The following TNRC18 variants were observed in gnomAD, a reference collection of about 807,000 sequenced individuals.
TNRC18 encodes trinucleotide repeat containing 18, also known as trinucleotide repeat-containing gene 18 protein.
A neutral mutation model predicts 226.7 loss-of-function variants in TNRC18; 69 were observed. That is an observed-to-expected ratio of 0.30 (90% confidence interval 0.25 to 0.37). TNRC18 has a LOEUF of 0.37. Among genes scored for constraint, TNRC18 ranks in the 10% least tolerant of loss-of-function variants. TNRC18 has a pLI of 1.00. For missense variants in TNRC18, 4,754 were observed against 4,256.6 expected, an observed-to-expected ratio of 1.12 and a Z score of -3.25; for synonymous variants, 2,449 against 1,927.6, an observed-to-expected ratio of 1.27 and a Z score of -7.09.
chr7:5,361,097 C>G (rs1202477884), intron 14 of TNRC18, among the ~76,000 whole-genome samples: 1 of 152,202 alleles, frequency 6.6e-6, no homozygotes, highest in Non-Finnish European at 1.5e-5. Context: ...AAGACCCACA[C>G]AGGTGCCCCA....
chr7:5,416,231 G>A (rs775831029), intron 2 of TNRC18, among the ~76,000 whole-genome samples: 8 of 151,576 alleles, frequency 5.3e-5, no homozygotes, highest in African/African-American at 9.7e-5. Flanking sequence ...CGGCTAACAC[G>A]GTGAAACCCC....
intron 29 of TNRC18, 34 bp downstream of exon 29, chr7:5,308,841 C>CCA: frequency 4.2e-5 from 46 of 1,094,614 alleles, no homozygotes; most frequent in Non-Finnish European, 4.6e-5. Flanking sequence ...CAGCCATCCC[C>CCA]AACCCGCCCA....
chr7:5,314,296 T>C (rs766615918), intron 26 of TNRC18, among the ~76,000 whole-genome samples: 1 of 152,202 alleles, frequency 6.6e-6, no homozygotes, highest in Non-Finnish European at 1.5e-5. Flanking sequence ...ATCCTGGCCC[T>C]GCTACTTCTT....
chr7:5,374,244 C>T lies in TNRC18; in HGVS notation c.3040G>A (p.Asp1014Asn), dbSNP rs1196008282. Reference sequence around the variant, plus strand: ...GCGTAGGCGGGTGGCTTGGACACGTCCTCCAGCTTCTGGATGACCTTGGCC... The same window carrying T: ...GCGTAGGCGGGTGGCTTGGACACGTTCTCCAGCTTCTGGATGACCTTGGCC... ...LKAKVIQKLEDVSKPPAYAYP... is the reference protein window; with the variant it reads ...LKAKVIQKLENVSKPPAYAYP... The change falls in exon 10 of 30, where the codon GAC (aspartate) becomes AAC (asparagine). Residue 1014 changes from aspartate (D) to asparagine (N), a missense_variant. Physicochemically the swap from Asp to Asn is conservative, Grantham distance 23. Transcript: ENST00000430969. 1.7e-5 allele frequency: 25 copies of T among 1,500,776 alleles called. No individual in the cohort carries two copies. The highest frequency in any genetic ancestry group is 5.2e-5 in the East Asian group (2 of 38,802). The allele number at this position is 1,500,776 out of a possible 1,614,324, so 93.0% of individuals were successfully genotyped here.
chr7:5,379,980 G>A (rs971340980), intron 5 of TNRC18, among the ~76,000 whole-genome samples: 4 of 152,198 alleles, frequency 2.6e-5, no homozygotes, highest in Non-Finnish European at 2.9e-5. Context: ...GGGATCAGCC[G>A]CCAGCACAGA....
chr7:5,313,154 C>T lies in TNRC18; in HGVS notation c.7737G>A (p.Ser2579=), dbSNP rs769922473. ...CGCCTTCCTCCTCCCCTTCTGTCTC[C>T]GAGCCGCTGCTGCTGCTGCTGCTGC... ...SSSSSSSSSG[S]ETEGEEEGDK... The change falls in exon 27 of 30, where the codon TCG becomes TCA. Residue 2579 remains serine (S), a synonymous_variant. Coordinates refer to ENST00000430969, the MANE Select transcript of TNRC18 (RefSeq NM_001080495.3). 3.9e-5 allele frequency: 60 copies of T among 1,529,490 alleles called. No individual in the cohort carries two copies. Among genetic ancestry groups the T allele is most frequent in the African/African-American group, 9.6e-5 (7 of 72,724 alleles). 94.7% of individuals were successfully genotyped at this position (1,529,490 alleles called of 1,614,324 possible). A position where few individuals can be genotyped will look rare whatever the true frequency, so the allele number is the denominator to read the frequency against.
intron 19 of TNRC18, 134 bp from the exon 20 acceptor site, chr7:5,325,382 C>T (rs1334961092): frequency 1.9e-5 from 18 of 947,656 alleles, no homozygotes; most frequent in Non-Finnish European, 2.6e-5. Context: ...ACAAAACACC[C>T]CTTCTCTCTC....
At chr7:5,315,796 G>A (rs1191437962) in intron 25 of TNRC18, among the ~76,000 whole-genome samples, 160 bp downstream of exon 25, 2 of 152,236 alleles carry the variant, frequency 1.3e-5, no homozygotes, top group Non-Finnish European at 2.9e-5. Flanking sequence ...CAGGACCTAG[G>A]AGCCCTGAGA....
chr7:5,350,259 G>T (rs1791648945), intron 17 of TNRC18, among the ~76,000 whole-genome samples: 1 of 152,090 alleles, frequency 6.6e-6, no homozygotes, highest in Admixed American at 6.6e-5. Flanking sequence ...TCGGTCCGGG[G>T]TGGTGTTCGC....
chr7:5,368,159 A>G (rs1361234437), intron 11 of TNRC18, among the ~76,000 whole-genome samples: 1 of 152,162 alleles, frequency 6.6e-6, no homozygotes, highest in Non-Finnish European at 1.5e-5. Context: ...GGCAGTCCCT[A>G]AAACAATGAT....
intron 10 of TNRC18, among the ~76,000 whole-genome samples, chr7:5,373,481 A>G (rs1794350068): frequency 6.6e-6 from 1 of 152,222 alleles, no homozygotes; most frequent in Admixed American, 6.5e-5. Flanking sequence ...CGCCGGGCCA[A>G]GCTCAGTGAT....
intron 16 of TNRC18, among the ~76,000 whole-genome samples, chr7:5,352,914 G>A (rs1049389385): frequency 1.3e-5 from 2 of 152,244 alleles, no homozygotes; most frequent in Admixed American, 6.5e-5. Flanking sequence ...ATCCACTCCA[G>A]ACGGGGGGAA....
intron 11 of TNRC18, among the ~76,000 whole-genome samples, chr7:5,366,459 G>A (rs1010642115): frequency 1.3e-5 from 2 of 150,690 alleles, no homozygotes; most frequent in African/African-American, 2.4e-5. Flanking sequence ...GAGTAGCTGG[G>A]ACTACAGGTA....
In TNRC18 at chr7:5,387,920, G is replaced by C; in HGVS notation, c.1904C>G (p.Ala635Gly). 6.3e-7 allele frequency: 1 copy of C among 1,594,444 alleles called. No homozygotes were observed. Among genetic ancestry groups the C allele is most frequent in the East Asian group, 2.3e-5 (1 of 44,000 alleles). ...PTSAGASRAQ[A>G]RLPHSGGPAA... ...AGGGCCTCCGGAGTGTGGGAGACGG[G>C]CCTGGGCTCGGGAGGCACCCGCAGA... The change falls in exon 5 of 30, where the codon GCC becomes GGC. Residue 635 changes from alanine (A) to glycine (G), a missense_variant. Ala to Gly is a moderately conservative substitution (Grantham distance 60). Transcript: ENST00000430969.
At position 5,315,868 on chromosome 7, in the gene TNRC18, A is replaced by C. The variant is rs1427038869; in HGVS notation, c.6862+88T>G. On this transcript the variant is annotated intron_variant, in intron 25 of 29. Coordinates refer to ENST00000430969, the MANE Select transcript of TNRC18 (RefSeq NM_001080495.3). ...ATCACCTGTGGCTCCAAATGACTTC[A>C]GACAGAGCTCAGAGCCGGGCTTGGA... 4.0e-6 allele frequency: 4 copies of C among 997,680 alleles called. No individual in the cohort carries two copies. In the African/African-American group the frequency reaches 6.7e-5, roughly 17 times the overall value. 61.8% of individuals were successfully genotyped at this position (997,680 alleles called of 1,614,324 possible).
In TNRC18 at chr7:5,315,138, C is replaced by T. The variant is rs1419977516; in HGVS notation, c.6873G>A (p.Pro2291=). The part of the protein sequence containing the change: ...PPDYKIQCAE[P]SPALLVPSAK... Reference sequence around the variant, plus strand: ...CACTTGGCACCAGAAGGGCCGGGGACGGCTCAGCACCTGTGGGGCAGAGGA... The same window carrying T: ...CACTTGGCACCAGAAGGGCCGGGGATGGCTCAGCACCTGTGGGGCAGAGGA... Residue 2291 remains proline, a synonymous_variant, in exon 26 of 30, where the codon CCG becomes CCA. Transcript: ENST00000430969. 57 of 1,611,856 alleles carry T rather than the reference C, an allele frequency of 3.5e-5. No individual in the cohort carries two copies. Among genetic ancestry groups the T allele is most frequent in the Middle Eastern group, 1.9e-4 (1 of 5,312 alleles).
chr7:5,308,193 G>A lies in TNRC18; in HGVS notation c.8820C>T (p.Asp2940=). The A allele has an allele frequency of 1.2e-6, 2 of 1,607,338 alleles. No homozygotes were observed. The highest frequency in any genetic ancestry group is 1.7e-6 in the Non-Finnish European group (2 of 1,177,620). The change falls in exon 30 of 30, where the codon GAC becomes GAT. Residue 2940 remains aspartate, a synonymous_variant. Transcript: ENST00000430969. Reference sequence around the variant, plus strand: ...CCGCGAGGTAGTACAGGCCCTCGCTGTCCTGGTACTTCTTGGTCTTCAGCA... The same window carrying A: ...CCGCGAGGTAGTACAGGCCCTCGCTATCCTGGTACTTCTTGGTCTTCAGCA... ...EQMLKTKKYQ[D]SEGLYYLAGT...
intron 27 of TNRC18, among the ~76,000 whole-genome samples, chr7:5,311,190 A>ATGTGCG (rs76724730): frequency 3.6e-4 from 47 of 129,276 alleles, no homozygotes; most frequent in Non-Finnish European, 6.9e-4. Flanking sequence ...ATGTGCACAC[A>ATGTGCG]TATGTGCGTG....
In TNRC18 at chr7:5,387,903, C is replaced by T. The variant is rs1271244828; in HGVS notation, c.1921G>A (p.Gly641Arg). The T allele has an allele frequency of 6.9e-6, 11 of 1,592,216 alleles. No individual in the cohort carries two copies. The highest frequency in any genetic ancestry group is 2.3e-5 in the East Asian group (1 of 43,824). Residue 641 changes from glycine (G) to arginine (R), a missense_variant, in exon 5 of 30, where the codon GGA becomes AGA. Transcript: ENST00000430969. Reference protein sequence around the residue: ...SRAQARLPHSGGPAAGGGRQL... With the variant: ...SRAQARLPHSRGPAAGGGRQL... ...CGGCCGCCGCCCGCTGCAGGGCCTC[C>T]GGAGTGTGGGAGACGGGCCTGGGCT... is the stretch of plus-strand genomic sequence containing the variant.
Sources: gnomAD v4.1 joint callset for allele counts (sites outside exome capture counted in the v4.1 genomes callset) on GRCh38, gnomAD v4.1.1 for gene constraint, MANE v1.5 for transcripts, NCBI Gene and HGNC (gene_info 2026-07-23, HGNC 2026-07-21) for gene names.